Variants in AKAP12 observed in about 807,000 individuals in gnomAD.
AKAP12 encodes the protein A-kinase anchor protein 12.
A neutral mutation model predicts 79.9 loss-of-function variants in AKAP12; 32 were observed. The ratio of observed to expected loss-of-function variants is 0.40; its 90% CI spans 0.30 to 0.54. The LOEUF (loss-of-function observed/expected upper bound fraction) is 0.54, where lower values mean the gene tolerates loss of function less well. AKAP12 is among the 20% of genes least tolerant of loss of function. The pLI, the probability that AKAP12 is intolerant of heterozygous loss-of-function variation, is 0.48. For synonymous variants in AKAP12, 808 were observed against 857.0 expected (o/e 0.94, Z 1.00); for missense variants, 2,074 against 2,177.0 (o/e 0.95, Z 0.94).
intron 2 of AKAP12, among the ~76,000 whole-genome samples, chr6:151,292,471 C>T (rs1776642399): frequency 6.6e-6 from 1 of 152,200 alleles, no homozygotes; most frequent in African/African-American, 2.4e-5. Context: ...CCAGGACCCT[C>T]CCACCCCTGT....
intron 3 of AKAP12, among the ~76,000 whole-genome samples, chr6:151,322,055 G>A (rs1208552330): frequency 6.6e-6 from 1 of 151,542 alleles, no homozygotes; most frequent in African/African-American, 2.4e-5. Context: ...GATTACAGGC[G>A]CCCGCCACCA....
chr6:151,306,560 T>TATCA (rs1208329625), intron 3 of AKAP12, among the ~76,000 whole-genome samples: 1 of 152,224 alleles, frequency 6.6e-6, no homozygotes, highest in Non-Finnish European at 1.5e-5. Context: ...CAATAACTGC[T>TATCA]ATCAAATATA....
chr6:151,255,977 A>C (rs1169982988), intron 2 of AKAP12, among the ~76,000 whole-genome samples: 1 of 152,074 alleles, frequency 6.6e-6, no homozygotes, highest in African/African-American at 2.4e-5. Flanking sequence ...TGTGGACTTA[A>C]ACATGCTCAT....
chr6:151,243,115 G>C (rs1372605000), intron 2 of AKAP12, among the ~76,000 whole-genome samples: 2 of 152,210 alleles, frequency 1.3e-5, no homozygotes, highest in Non-Finnish European at 2.9e-5. Context: ...AGAGTGACTT[G>C]TTAGCATTGC....
intron 3 of AKAP12, 99 bp downstream of exon 3, chr6:151,306,002 T>C (rs540851660): frequency 7.8e-7 from 1 of 1,283,286 alleles, no homozygotes; most frequent in South Asian, 1.6e-5. Context: ...GGTGGATTGG[T>C]GTTAACAGCA....
At chr6:151,348,324 C>CAAAA (rs3029381) in intron 3 of AKAP12, 77 of 395,994 alleles carry the variant, frequency 1.9e-4, no homozygotes, top group African/African-American at 6.8e-4. Context: ...GACTCTGTCT[C>CAAAA]AAAAAAAAAA....
chr6:151,240,375 T>G lies in AKAP12; in HGVS notation c.-179-9T>G. On this transcript the variant is annotated splice_polypyrimidine_tract_variant and intron_variant, in intron 1 of 4. Transcript: ENST00000402676. The stretch of plus-strand genomic sequence containing the variant: ...GGTGGCCTTTTTTTTTTTTTCCTTT[T>G]CTTTTAAGGAGTTTGCCGCGAGCGC... 1 of 516,374 alleles carries G rather than the reference T, an allele frequency of 1.9e-6. No homozygotes were observed. Among genetic ancestry groups the G allele is most frequent in the Non-Finnish European group, 3.0e-6 (1 of 329,760 alleles). The allele number at this position is 516,374 out of a possible 1,614,324, so 32.0% of individuals were successfully genotyped here. A position where few individuals can be genotyped will look rare whatever the true frequency, so the allele number is the denominator to read the frequency against.
intron 3 of AKAP12, among the ~76,000 whole-genome samples, chr6:151,327,960 C>A (rs1777569769): frequency 6.6e-6 from 1 of 152,168 alleles, no homozygotes; most frequent in Admixed American, 6.5e-5. Context: ...GCAAGTTATT[C>A]TGATGGGGAA....
At chr6:151,325,076 T>A in intron 3 of AKAP12, 1 of 985,480 alleles carries the variant, frequency 1.0e-6, no homozygotes, top group Non-Finnish European at 1.2e-6. Context: ...CAGCACTTGT[T>A]AGAAGGAACA....
At chr6:151,302,025 T>C (rs7765539) in intron 2 of AKAP12, among the ~76,000 whole-genome samples, 42,612 of 150,308 alleles carry the variant, frequency 0.28, 7,318 homozygotes, top group Non-Finnish European at 0.4. Flanking sequence ...TTTTCTTTTT[T>C]TTTTTTTAAG....
intron 2 of AKAP12, among the ~76,000 whole-genome samples, chr6:151,247,534 C>T (rs1797098321): frequency 6.6e-6 from 1 of 152,242 alleles, no homozygotes; most frequent in Non-Finnish European, 1.5e-5. Flanking sequence ...TGCTCCTTTT[C>T]CTTTCCAAAT....
At chr6:151,250,760 C>T (rs980977837) in intron 2 of AKAP12, among the ~76,000 whole-genome samples, 1 of 151,656 alleles carries the variant, frequency 6.6e-6, no homozygotes, top group Non-Finnish European at 1.5e-5. Flanking sequence ...CGCCCGCCAC[C>T]ACGCCCGGCT....
intron 2 of AKAP12, among the ~76,000 whole-genome samples, chr6:151,256,695 C>G (rs10434896): frequency 0.54 from 81,315 of 151,272 alleles, 23,041 homozygotes; most frequent in African/African-American, 0.72. Context: ...TGTCACCCAG[C>G]CTGGAGTGCA....
At chr6:151,276,883 T>C (rs1442884844) in intron 2 of AKAP12, among the ~76,000 whole-genome samples, 4 of 152,218 alleles carry the variant, frequency 2.6e-5, no homozygotes, top group Admixed American at 2.6e-4. Flanking sequence ...GTCCTCTAAG[T>C]CTATCTTTTA....
At chr6:151,338,792 T>A (rs1777878213) in intron 3 of AKAP12, among the ~76,000 whole-genome samples, 2 of 152,216 alleles carry the variant, frequency 1.3e-5, no homozygotes, top group South Asian at 4.1e-4. Context: ...AGAGGTGATG[T>A]TGTGTCCTTC....
intron 3 of AKAP12, among the ~76,000 whole-genome samples, chr6:151,313,153 G>A (rs772361593): frequency 5.3e-5 from 8 of 152,060 alleles, no homozygotes; most frequent in Non-Finnish European, 7.4e-5. Context: ...TTCCAGGATC[G>A]CACCATGCTG....
At chr6:151,254,331 C>G (rs768064172) in intron 2 of AKAP12, among the ~76,000 whole-genome samples, 1 of 151,030 alleles carries the variant, frequency 6.6e-6, no homozygotes, top group Non-Finnish European at 1.5e-5. Flanking sequence ...TTAGTCTGAA[C>G]TCAGTTTGAT....
rs374185731 is a variant in AKAP12 at position 151,263,895 on chromosome 6, G to A, written c.162+23171G>A. ...CGCCCAGCTCTTGAGAGATCTTACC[G>A]ATGTTCTTGGCTTCCATTACATCTA... On this transcript the variant is annotated intron_variant, in intron 2 of 4. Transcript: ENST00000402676. 1.9e-4 allele frequency among the ~76,000 whole-genome samples: 29 copies of A among 152,180 alleles called. No individual in the cohort carries two copies. The East Asian group carries it at 3.7e-3, about 19-fold the overall frequency.
At chr6:151,344,113 GA>G (rs1359225476) in intron 3 of AKAP12, 5 of 213,222 alleles carry the variant, frequency 2.3e-5, no homozygotes, top group Admixed American at 1.2e-4. Flanking sequence ...AGAGAAAAGG[GA>G]AATCCTTTAG....
Sources: gnomAD v4.1 joint callset for allele counts (sites outside exome capture counted in the v4.1 genomes callset) on GRCh38, gnomAD v4.1.1 for gene constraint, MANE v1.5 for transcripts, NCBI Gene and HGNC (gene_info 2026-07-23, HGNC 2026-07-21) for gene names.